HPS4: variants seen among roughly 807,000 people sequenced by gnomAD.
HPS4 encodes HPS4 biogenesis of lysosomal organelles complex 3 subunit 2.
HPS4 carries 44 observed loss-of-function variants against 70.3 expected under a neutral mutation model. The ratio of observed to expected loss-of-function variants is 0.63; its 90% confidence interval spans 0.49 to 0.80. The LOEUF (loss-of-function observed/expected upper bound fraction) is 0.80, where lower values mean the gene tolerates loss of function less well. HPS4 is among the 30% of genes least tolerant of loss of function. The pLI is 0.00. For missense variants in HPS4, 873 were observed against 884.4 expected, an observed-to-expected ratio of 0.99 and a Z score of 0.16; for synonymous variants, 377 against 355.9, an observed-to-expected ratio of 1.06 and a Z score of -0.67.
chr22:26,459,570 G>T (rs1204080324), intron 11 of HPS4, among the ~76,000 whole-genome samples: 1 of 152,200 alleles, frequency 6.6e-6, no homozygotes, highest in Non-Finnish European at 1.5e-5. Context: ...AATAGGCTTG[G>T]TCTGAAATGG....
At chr22:26,460,833 G>T (rs193291452) in intron 11 of HPS4, among the ~76,000 whole-genome samples, 3 of 152,276 alleles carry the variant, frequency 2.0e-5, no homozygotes, top group East Asian at 3.9e-4. Context: ...AAAGTCAAAA[G>T]AATAATATTG....
chr22:26,480,246 AGT>A (rs1311583363), intron 2 of HPS4, among the ~76,000 whole-genome samples: 1 of 152,216 alleles, frequency 6.6e-6, no homozygotes, highest in East Asian at 1.9e-4. Context: ...ATTGCGGTTC[AGT>A]GCAAACTCAA....
intron 4 of HPS4, among the ~76,000 whole-genome samples, chr22:26,474,964 A>C (rs1405445036): frequency 6.6e-6 from 1 of 152,214 alleles, no homozygotes; most frequent in African/African-American, 2.4e-5. Flanking sequence ...TGGAATTCTC[A>C]TACATTCTTG....
rs2085465052 is a variant in HPS4, at chr22:26,453,039, C to T, written c.*194G>A. ...TTCTTTATCAAGTGCTCTGGGTCTG[C>T]CGACCTGAAGAACTAACCCCTGCCC... On this transcript the variant is annotated 3_prime_UTR_variant, in exon 14 of 14. Coordinates refer to ENST00000398145, the MANE Select transcript of HPS4 (RefSeq NM_022081.6). 2 of 617,840 alleles carry T rather than the reference C, an allele frequency of 3.2e-6. No individual in the cohort carries two copies. The highest frequency in any genetic ancestry group is 3.9e-5 in the South Asian group (2 of 51,736). 38.3% of individuals were successfully genotyped at this position (617,840 alleles called of 1,614,324 possible).
intron 3 of HPS4, among the ~76,000 whole-genome samples, 189 bp downstream of exon 3, chr22:26,479,076 T>A (rs904309044): frequency 6.6e-6 from 1 of 152,104 alleles, no homozygotes; most frequent in Non-Finnish European, 1.5e-5. Context: ...CTAAAGACGA[T>A]GAAAGTGCCG....
intron 3 of HPS4, among the ~76,000 whole-genome samples, chr22:26,477,553 C>T (rs1480497834): frequency 6.6e-6 from 1 of 152,110 alleles, no homozygotes; most frequent in East Asian, 1.9e-4. Context: ...GCAGATTAAC[C>T]CCAACTATCC....
intron 8 of HPS4, chr22:26,467,516 G>T (rs111505591): frequency 1.3e-5 from 2 of 152,122 alleles, no homozygotes; most frequent in South Asian, 4.1e-4. Flanking sequence ...TATATTCCTA[G>T]AAGTCAAATT....
intron 13 of HPS4, among the ~76,000 whole-genome samples, chr22:26,456,707 C>T (rs1601808023): frequency 5.5e-5 from 2 of 36,052 alleles, no homozygotes; most frequent in East Asian, 1.0e-3. Context: ...CCAAGGACTA[C>T]GTGGACTAAT....
At chr22:26,479,646 G>C (rs2091057033) in intron 2 of HPS4, 2 of 1,276,090 alleles carry the variant, frequency 1.6e-6, no homozygotes, top group Non-Finnish European at 2.0e-6. Flanking sequence ...GCTCTTATTT[G>C]AAACACTGAA....
At chr22:26,478,232 G>C (rs187570888) in intron 3 of HPS4, among the ~76,000 whole-genome samples, 10 of 147,236 alleles carry the variant, frequency 6.8e-5, no homozygotes, top group African/African-American at 2.5e-4. Flanking sequence ...TTTGCTCCAG[G>C]AAAAAAAAAA....
At chr22:26,483,356 G>C (rs926871851) in intron 1 of HPS4, among the ~76,000 whole-genome samples, 2 of 152,238 alleles carry the variant, frequency 1.3e-5, no homozygotes, top group African/African-American at 4.8e-5. Flanking sequence ...GAGCAGAAAA[G>C]GATCTGGTAG....
chr22:26,453,181 G>C lies in HPS4; in HGVS notation c.*52C>G. The C allele has an allele frequency of 6.4e-7, 1 of 1,568,110 alleles. No individual in the cohort carries two copies. ...AGAGGGGCCTTTTCAATTATAAAAG[G>C]CAGAGCTTCCTTTGCTGGTTTTCTC... On this transcript the variant is annotated 3_prime_UTR_variant, in exon 14 of 14. Coordinates refer to ENST00000398145, the MANE Select transcript of HPS4 (RefSeq NM_022081.6).
downstream of HPS4, among the ~76,000 whole-genome samples, chr22:26,446,145 A>G (rs957143341): frequency 6.6e-6 from 1 of 152,222 alleles, no homozygotes; most frequent in African/African-American, 2.4e-5. Context: ...AAGGGGAGCC[A>G]GCCGGCTGCA....
In HPS4 at chr22:26,455,132, T is replaced by C. The variant is rs947586912; in HGVS notation, c.1956-1728A>G. On this transcript the variant is annotated intron_variant, in intron 13 of 13. Coordinates refer to ENST00000398145, the MANE Select transcript of HPS4 (RefSeq NM_022081.6). ...AATAGGAACACTTTTACACTGTTGGTGGGACTGTAAACTAGTTCAACCATT... is the reference window on the plus strand; with the variant it reads ...AATAGGAACACTTTTACACTGTTGGCGGGACTGTAAACTAGTTCAACCATT... Among the ~76,000 whole-genome samples the C allele has an allele frequency of 7.9e-4, 119 of 150,836 alleles. 2 individuals carry two copies. In the Middle Eastern group the frequency reaches 0.01, roughly 13 times the overall value.
At chr22:26,483,381 G>GT (rs2091498418) in intron 1 of HPS4, among the ~76,000 whole-genome samples, 1 of 152,240 alleles carries the variant, frequency 6.6e-6, no homozygotes, top group South Asian at 2.1e-4. Context: ...GGAAGTAATA[G>GT]TAACAACGCG....
At chr22:26,457,996 G>A (rs878966136) in intron 12 of HPS4, 29 bp from the exon 13 acceptor site, 1 of 1,564,814 alleles carries the variant, frequency 6.4e-7, no homozygotes, top group Non-Finnish European at 8.8e-7. Context: ...GAGTTGTGAA[G>A]AGCAGACAGT....
rs200967353 is a variant in HPS4, at chr22:26,457,821, G to A, written c.1955+38C>T. 312 of 1,502,296 alleles carry A rather than the reference G, an allele frequency of 2.1e-4. No homozygotes were observed. The African/African-American group carries it at 2.9e-3, about 14-fold the overall frequency. 93.1% of individuals were successfully genotyped at this position (1,502,296 alleles called of 1,614,324 possible). A position where few individuals can be genotyped will look rare whatever the true frequency, so the allele number is the denominator to read the frequency against. On this transcript the variant is annotated intron_variant, in intron 13 of 13. Transcript: ENST00000398145. ...ACAGGTGGTTCCCATGAGCAGGACC[G>A]TGGAGAGTAGGTTGGGGAGCGACTC...
intron 13 of HPS4, among the ~76,000 whole-genome samples, chr22:26,455,094 G>C (rs989034739): frequency 6.6e-6 from 1 of 152,016 alleles, no homozygotes; most frequent in Non-Finnish European, 1.5e-5. Context: ...AGGTGCTGGA[G>C]AGGATGTGGA....
rs1051538596 is a variant in HPS4, at chr22:26,463,815, G to A, written c.1713+102C>T. The A allele has an allele frequency of 2.7e-5, 34 of 1,250,014 alleles. 1 individual carries two copies. Among genetic ancestry groups the A allele is most frequent in the South Asian group, 1.9e-4 (15 of 80,260 alleles). The allele number at this position is 1,250,014 out of a possible 1,614,324, so 77.4% of individuals were successfully genotyped here. A position where few individuals can be genotyped will look rare whatever the true frequency, so the allele number is the denominator to read the frequency against. ...GCCCAGGGTCACACAACTGAGGGCT[G>A]AGCCTTTATCTCTTCCCTGGGTGTT... is the stretch of plus-strand genomic sequence containing the variant. On this transcript the variant is annotated intron_variant, in intron 11 of 13. Coordinates refer to ENST00000398145, the MANE Select transcript of HPS4 (RefSeq NM_022081.6).
Sources: allele counts gnomAD v4.1 joint callset (sites outside exome capture counted in the v4.1 genomes callset), GRCh38; gene constraint gnomAD v4.1.1; transcripts MANE v1.5; gene names NCBI Gene and HGNC (gene_info 2026-07-23, HGNC 2026-07-21).